Variants in ADAMTSL2 observed in about 807,000 individuals in gnomAD.
The protein encoded by ADAMTSL2 is ADAMTS like 2.
ADAMTSL2 carries 55 observed loss-of-function variants against 117.0 expected under a neutral mutation model. The observed-to-expected ratio is 0.47, with a 90% CI of 0.38 to 0.59. The LOEUF is 0.59. Ranked by LOEUF, ADAMTSL2 falls within the 20% of genes least tolerant of loss-of-function variation. The pLI, the probability that ADAMTSL2 is intolerant of heterozygous loss-of-function variation, is 0.00. For missense variants in ADAMTSL2, 1,182 were observed against 1,354.5 expected (o/e 0.87, Z 2.00); for synonymous variants, 572 against 566.4 (o/e 1.01, Z -0.14).
At position 133,555,809 on chromosome 9, in the gene ADAMTSL2, C is replaced by T; in HGVS notation, c.1528C>T (p.Leu510Phe). 1.9e-6 allele frequency: 3 copies of T among 1,613,880 alleles called. No individual in the cohort carries two copies. The highest frequency in any genetic ancestry group is 2.5e-6 in the Non-Finnish European group (3 of 1,180,028). ...EENEGAGPYL[L>F]NGSYLELSSD... ...GAACGAGGGGGCTGGCCCTTACCTG[C>T]TCAACGGGTCCTACCTGGAGCTGAG... Residue 510 changes from leucine (L) to phenylalanine (F), a missense_variant, in exon 11 of 19, where the codon CTC becomes TTC. By Grantham distance (22) the Leu-to-Phe change is conservative (BLOSUM62 0). This residue lies in a region of ADAMTSL2 where 345 missense variants were observed against 325.8 expected (regional missense o/e 1.06). Transcript: ENST00000651351.
intron 3 of ADAMTSL2, among the ~76,000 whole-genome samples, 171 bp from the exon 4 acceptor site, chr9:133,538,178 T>C (rs1288902262): frequency 2.0e-5 from 3 of 152,212 alleles, no homozygotes; most frequent in Non-Finnish European, 4.4e-5. Context: ...TCAAATCTCA[T>C]TCCCCCTTGG....
Position 133,566,953 on chromosome 9 carries a change from G to A in ADAMTSL2, c.1765G>A (p.Ala589Thr), listed in dbSNP as rs1830988200. 2.0e-5 allele frequency: 32 copies of A among 1,609,036 alleles called. No homozygotes were observed. The Middle Eastern group carries it at 1.5e-3, about 74-fold the overall frequency. ...TCTTGVMSAY[A>T]MCVRYDGVEV... Reference sequence around the variant, plus strand: ...CAACCCAGGGGTCATGTCTGCGTACGCCATGTGTGTCCGCTATGATGGCGT... The same window carrying A: ...CAACCCAGGGGTCATGTCTGCGTACACCATGTGTGTCCGCTATGATGGCGT... Residue 589 changes from alanine to threonine, a missense_variant, in exon 13 of 19, where the codon GCC (alanine) becomes ACC (threonine). Physicochemically the swap from Ala to Thr is moderately conservative, Grantham distance 58. Around this residue, in one of 3 missense-constraint regions of ADAMTSL2, gnomAD observed 465 missense variants for 565.3 expected, o/e 0.82. Transcript: ENST00000651351.
intron 13 of ADAMTSL2, 88 bp from the exon 14 acceptor site, chr9:133,568,185 G>A: frequency 1.5e-6 from 2 of 1,357,110 alleles, no homozygotes; most frequent in South Asian, 1.3e-5. Context: ...GAGGAAGGGA[G>A]GAGCCGCGTT....
At chr9:133,537,973 C>A (rs1005550970) in intron 3 of ADAMTSL2, among the ~76,000 whole-genome samples, 1 of 152,212 alleles carries the variant, frequency 6.6e-6, no homozygotes, top group Non-Finnish European at 1.5e-5. Flanking sequence ...CACTGTATGA[C>A]CTTGGGCAAG....
chr9:133,536,629 C>T lies in ADAMTSL2; in HGVS notation c.-84C>T, dbSNP rs759044523. Reference sequence around the variant, plus strand: ...TGAGGCCTGGGCACTGGCTGGGCCCCGAGGGCTCTTCCCAAAGCGTACCCT... The same window carrying T: ...TGAGGCCTGGGCACTGGCTGGGCCCTGAGGGCTCTTCCCAAAGCGTACCCT... On this transcript the variant is annotated 5_prime_UTR_variant, in exon 2 of 19. The change creates a premature stop within an existing upstream ORF in the 5' untranslated region. Coordinates refer to ENST00000651351, the MANE Select transcript of ADAMTSL2 (RefSeq NM_014694.4). 3.1e-6 allele frequency: 5 copies of T among 1,613,742 alleles called. No individual in the cohort carries two copies. Among genetic ancestry groups the T allele is most frequent in the Admixed American group, 1.7e-5 (1 of 60,006 alleles).
chr9:133,542,367 C>T (rs1452397691), intron 7 of ADAMTSL2, among the ~76,000 whole-genome samples: 1 of 152,210 alleles, frequency 6.6e-6, no homozygotes, highest in East Asian at 1.9e-4. Context: ...TCCTCCCTTC[C>T]TCTCACAAAC....
chr9:133,534,757 G>A lies in ADAMTSL2; in HGVS notation c.-311G>A. On this transcript the variant is annotated 5_prime_UTR_variant, in exon 1 of 19. Coordinates refer to ENST00000651351, the MANE Select transcript of ADAMTSL2 (RefSeq NM_014694.4). ...CTCTCTTGGATGCTCTTTGAAGTGG[G>A]AGAGGGAGGCGGCGCGGGGGAGGAG... The A allele has an allele frequency of 4.1e-6, 6 of 1,456,150 alleles. No individual in the cohort carries two copies. The highest frequency in any genetic ancestry group is 5.5e-6 in the Non-Finnish European group (6 of 1,097,676). 90.2% of individuals were successfully genotyped at this position (1,456,150 alleles called of 1,614,324 possible).
intron 12 of ADAMTSL2, among the ~76,000 whole-genome samples, chr9:133,564,040 CAGAG>C (rs200489512): frequency 2.3e-3 from 22 of 9,516 alleles, no homozygotes; most frequent in Non-Finnish European, 3.3e-3. Context: ...GGGAGAGAGA[CAGAG>C]AGAGAGAAAG....
chr9:133,566,940 C>T lies in ADAMTSL2; in HGVS notation c.1752C>T (p.Val584=). 4 of 1,607,384 alleles carry T rather than the reference C, an allele frequency of 2.5e-6. No homozygotes were observed. Among genetic ancestry groups the T allele is most frequent in the Non-Finnish European group, 3.4e-6 (4 of 1,177,460 alleles). ...CCACCCCTGTCCCCAACCCAGGGGT[C>T]ATGTCTGCGTACGCCATGTGTGTCC... The part of the protein sequence containing the change: ...EPCSATCTTG[V]MSAYAMCVRY... Residue 584 remains valine (V), a synonymous_variant, in exon 13 of 19, where the codon GTC becomes GTT. Transcript: ENST00000651351.
intron 5 of ADAMTSL2, among the ~76,000 whole-genome samples, chr9:133,540,270 G>A (rs192093965): frequency 1.6e-4 from 24 of 152,334 alleles, no homozygotes; most frequent in East Asian, 7.7e-4. Flanking sequence ...CTGCTCACCC[G>A]CAAGGGCCAG....
At chr9:133,556,503 CT>C (rs1407592660) in intron 11 of ADAMTSL2, among the ~76,000 whole-genome samples, 4 of 152,190 alleles carry the variant, frequency 2.6e-5, no homozygotes, top group Non-Finnish European at 4.4e-5. Flanking sequence ...TCAGCAAGGG[CT>C]GGAGAGGATC....
chr9:133,539,628 C>T lies in ADAMTSL2; in HGVS notation c.310-143C>T, dbSNP rs1830148765. On this transcript the variant is annotated intron_variant, in intron 4 of 18. Coordinates refer to ENST00000651351, the MANE Select transcript of ADAMTSL2 (RefSeq NM_014694.4). ...TGGGAGCGCGCAGGAGCCCTAGAGG[C>T]CACCCCGTGGGCCGTGGCCCCCGCA... 1.6e-4 allele frequency: 21 copies of T among 134,630 alleles called. No homozygotes were observed. In the South Asian group the frequency reaches 2.1e-3, roughly 14 times the overall value. The allele number at this position is 134,630 out of a possible 1,614,324, so 8.3% of individuals were successfully genotyped here. A position where few individuals can be genotyped will look rare whatever the true frequency, so the allele number is the denominator to read the frequency against.
At chr9:133,533,163 CTGTGTGTGTG>C (rs71378583), upstream of ADAMTSL2, among the ~76,000 whole-genome samples, 28,043 of 148,082 alleles carry the variant, frequency 0.19, 2,809 homozygotes, top group South Asian at 0.29. Flanking sequence ...GTGTGTGTGC[CTGTGTGTGTG>C]TGTGTGTGTG....
chr9:133,560,467 A>G (rs1830700743), intron 11 of ADAMTSL2, among the ~76,000 whole-genome samples: 1 of 152,190 alleles, frequency 6.6e-6, no homozygotes, highest in South Asian at 2.1e-4. Flanking sequence ...ATGAGCCTGC[A>G]CATTGGATGT....
Position 133,537,471 on chromosome 9 carries a change from T to C in ADAMTSL2, c.157T>C (p.Trp53Arg). Residue 53 changes from tryptophan (W) to arginine (R), a missense_variant, in exon 3 of 19, where the codon TGG (tryptophan) becomes CGG (arginine). Trp to Arg is a moderately radical substitution (Grantham distance 101). Around this residue, in one of 3 missense-constraint regions of ADAMTSL2, gnomAD observed 372 missense variants for 463.4 expected, o/e 0.80. Coordinates refer to ENST00000651351, the MANE Select transcript of ADAMTSL2 (RefSeq NM_014694.4). ...TDATAFWWGE[W>R]TKWTACSRSC... ...CGCCACGGCCTTCTGGTGGGGGGAG[T>C]GGACCAAGTGGACGGCGTGTTCCCG... 1.5e-6 allele frequency: 2 copies of C among 1,351,334 alleles called. No homozygotes were observed. The highest frequency in any genetic ancestry group is 2.9e-5 in the Admixed American group (1 of 34,660). 83.7% of individuals were successfully genotyped at this position (1,351,334 alleles called of 1,614,324 possible). A position where few individuals can be genotyped will look rare whatever the true frequency, so the allele number is the denominator to read the frequency against.
chr9:133,551,122 A>G (rs1048887034), intron 9 of ADAMTSL2, among the ~76,000 whole-genome samples: 1 of 152,216 alleles, frequency 6.6e-6, no homozygotes, highest in South Asian at 2.1e-4. Context: ...CTTACATCAC[A>G]TGCACTGCCT....
chr9:133,560,675 C>T (rs1439259609), intron 11 of ADAMTSL2, among the ~76,000 whole-genome samples: 1 of 152,222 alleles, frequency 6.6e-6, no homozygotes, highest in East Asian at 1.9e-4. Context: ...TGCCAGCAGC[C>T]GAGCTTTTTA....
intron 12 of ADAMTSL2, among the ~76,000 whole-genome samples, chr9:133,564,108 G>A (rs1830843579): frequency 2.1e-5 from 1 of 48,058 alleles, no homozygotes; most frequent in South Asian, 9.5e-4. Context: ...GAGAGAGAGA[G>A]AGAAAAAGGG....
chr9:133,554,267 AC>A lies in ADAMTSL2; in HGVS notation c.940-89del. The A allele has an allele frequency of 8.4e-7, 1 of 1,193,314 alleles. No homozygotes were observed. 73.9% of individuals were successfully genotyped at this position (1,193,314 alleles called of 1,614,324 possible). On this transcript the variant is annotated intron_variant, in intron 9 of 18. Coordinates refer to ENST00000651351, the MANE Select transcript of ADAMTSL2 (RefSeq NM_014694.4). The surrounding 1 kb of genome is among the most constrained non-coding windows in gnomAD (Gnocchi z 5.2). The stretch of plus-strand genomic sequence containing the variant: ...GCTCAACTGCCAGTCACAGCAGGGA[AC>A]GCACCCTGCAGCTCTGTGGGAAGGG...
Sources: allele counts gnomAD v4.1 joint callset (sites outside exome capture counted in the v4.1 genomes callset), GRCh38; gene constraint gnomAD v4.1.1; regional missense constraint gnomAD v4.1.1; non-coding constraint Gnocchi (gnomAD v3.1); transcripts MANE v1.5; gene names NCBI Gene and HGNC (gene_info 2026-07-23, HGNC 2026-07-21).